CAMK1G: variants seen among roughly 807,000 people sequenced by gnomAD.
The protein encoded by CAMK1G is calcium/calmodulin-dependent protein kinase type 1G.
A neutral mutation model predicts 54.8 loss-of-function variants in CAMK1G; 27 were observed. The ratio of observed to expected loss-of-function variants is 0.49; its 90% CI spans 0.36 to 0.68. CAMK1G has a LOEUF of 0.68. CAMK1G is among the 30% of genes least tolerant of loss of function. CAMK1G has a pLI of 0.00. For synonymous variants in CAMK1G, 238 were observed against 224.9 expected, an observed-to-expected ratio of 1.06 and a Z score of -0.52; for missense variants, 512 against 591.0, an observed-to-expected ratio of 0.87 and a Z score of 1.39.
chr1:209,585,916 G>A (rs1213698511), intron 1 of CAMK1G, among the ~76,000 whole-genome samples: 1 of 152,240 alleles, frequency 6.6e-6, no homozygotes. Flanking sequence ...CAGGCGCGCC[G>A]CCACGGTCAA....
chr1:209,596,803 A>G (rs934054537), intron 2 of CAMK1G, among the ~76,000 whole-genome samples: 9 of 152,182 alleles, frequency 5.9e-5, no homozygotes, highest in Admixed American at 5.2e-4. Context: ...ATTTTCACAT[A>G]TATCTACAAT....
intron 9 of CAMK1G, 136 bp downstream of exon 9, chr1:209,610,065 T>C: frequency 2.7e-6 from 2 of 743,150 alleles, no homozygotes; most frequent in Non-Finnish European, 4.8e-6. Context: ...GACCATGCCA[T>C]TGTTCATCAG....
chr1:209,593,569 T>C (rs1318414360), intron 1 of CAMK1G, among the ~76,000 whole-genome samples: 1 of 152,158 alleles, frequency 6.6e-6, no homozygotes, highest in Non-Finnish European at 1.5e-5. Flanking sequence ...ATGAGCTCAG[T>C]CAGGGCACCC....
chr1:209,605,757 A>G (rs1323212537), intron 5 of CAMK1G, 83 bp downstream of exon 5: 6 of 1,420,408 alleles, frequency 4.2e-6, no homozygotes, highest in Non-Finnish European at 5.7e-6. Flanking sequence ...TAAGCTCCAT[A>G]AAGTAAGAGG....
At chr1:209,609,256 C>T (rs551015415) in intron 8 of CAMK1G, among the ~76,000 whole-genome samples, 164 bp downstream of exon 8, 2 of 152,254 alleles carry the variant, frequency 1.3e-5, no homozygotes, top group Non-Finnish European at 2.9e-5. Flanking sequence ...CTTCAAAGAC[C>T]CGATAAATTA....
intron 1 of CAMK1G, among the ~76,000 whole-genome samples, chr1:209,593,046 T>C (rs988158598): frequency 2.0e-5 from 3 of 152,260 alleles, no homozygotes; most frequent in African/African-American, 7.2e-5. Context: ...TCAATGTCTG[T>C]ATGTGCACCA....
chr1:209,609,553 C>T (rs149957634), intron 8 of CAMK1G, among the ~76,000 whole-genome samples: 1 of 152,298 alleles, frequency 6.6e-6, no homozygotes, highest in African/African-American at 2.4e-5. Flanking sequence ...CAGCGCTGGC[C>T]CCTGTTTCAG....
chr1:209,595,827 C>T (rs1027099304), intron 2 of CAMK1G, among the ~76,000 whole-genome samples: 6 of 152,216 alleles, frequency 3.9e-5, no homozygotes, highest in Admixed American at 2.6e-4. Flanking sequence ...GAACCTGCAC[C>T]TTGAAGATGA....
Position 209,609,839 on chromosome 1 carries a change from T to A in CAMK1G, c.749-12T>A. 9.3e-6 allele frequency: 15 copies of A among 1,614,106 alleles called. No individual in the cohort carries two copies. The highest frequency in any genetic ancestry group is 1.3e-5 in the Non-Finnish European group (15 of 1,179,930). On this transcript the variant is annotated splice_polypyrimidine_tract_variant and intron_variant, in intron 8 of 12. Coordinates refer to ENST00000361322, the MANE Select transcript of CAMK1G (RefSeq NM_020439.3). ...GGTCCTTAGTCGTCGTGTCTTTGAT[T>A]ACTCCCCTTAGCCAAGGACTTTATT...
At chr1:209,591,537 G>A (rs910983728) in intron 1 of CAMK1G, among the ~76,000 whole-genome samples, 1 of 152,214 alleles carries the variant, frequency 6.6e-6, no homozygotes, top group African/African-American at 2.4e-5. Flanking sequence ...GTCCATTGTA[G>A]CGTATAAATC....
At chr1:209,603,353 T>C in intron 4 of CAMK1G, 65 bp downstream of exon 4, 11 of 1,339,892 alleles carry the variant, frequency 8.2e-6, no homozygotes, top group Non-Finnish European at 1.1e-5. Flanking sequence ...CTACAGGAGG[T>C]TGGTCGCTGG....
intron 3 of CAMK1G, among the ~76,000 whole-genome samples, chr1:209,601,244 G>A (rs554358641): frequency 2.6e-5 from 4 of 152,256 alleles, no homozygotes; most frequent in African/African-American, 9.6e-5. Flanking sequence ...ACAAGCAAAG[G>A]TAGTGGCAGA....
chr1:209,605,408 T>C, intron 4 of CAMK1G, 128 bp from the exon 5 acceptor site: 1 of 1,109,174 alleles, frequency 9.0e-7, no homozygotes, highest in Admixed American at 2.2e-5. Flanking sequence ...TGGCAGCCCT[T>C]CAATCACAGT....
intron 6 of CAMK1G, 195 bp from the exon 7 acceptor site, chr1:209,607,663 C>CT: frequency 1.9e-6 from 1 of 530,202 alleles, no homozygotes; most frequent in Non-Finnish European, 3.3e-6. Flanking sequence ...GCAGAAGTCA[C>CT]AGTCTCTCTT....
At chr1:209,595,809 G>A (rs1665366668) in intron 2 of CAMK1G, among the ~76,000 whole-genome samples, 1 of 152,204 alleles carries the variant, frequency 6.6e-6, no homozygotes, top group African/African-American at 2.4e-5. Context: ...CCAGCCTGCA[G>A]GGTGTCTGAA....
rs1665811705 is a variant in CAMK1G, at chr1:209,612,665, A to G, written c.1341-120A>G. The G allele has an allele frequency of 4.0e-6, 3 of 754,664 alleles. No individual in the cohort carries two copies. In the Admixed American group the frequency reaches 6.8e-5, roughly 17 times the overall value. 46.7% of individuals were successfully genotyped at this position (754,664 alleles called of 1,614,324 possible). On this transcript the variant is annotated intron_variant, in intron 11 of 12. Transcript: ENST00000361322. ...TTCTGCAGGTTCTTGAACTTTCTGAACCTCATGAGGGGAGAGCTGAGTGGA... is the reference window on the plus strand; with the variant it reads ...TTCTGCAGGTTCTTGAACTTTCTGAGCCTCATGAGGGGAGAGCTGAGTGGA...
At chr1:209,603,313 T>G (rs757656435) in intron 4 of CAMK1G, 25 bp downstream of exon 4, 2 of 1,597,070 alleles carry the variant, frequency 1.3e-6, no homozygotes, top group Non-Finnish European at 1.7e-6. Flanking sequence ...ACTTGCTTCC[T>G]TCACAGAGGC....
Position 209,609,110 on chromosome 1 carries a change from G to A in CAMK1G, c.748+18G>A, listed in dbSNP as rs1382407461. ...TGAGTCAGGTAAGGCCAGTAGGCAT[G>A]AAGGAGAGATAACAGGCTCAAGGTA... is the stretch of plus-strand genomic sequence containing the variant. On this transcript the variant is annotated intron_variant, in intron 8 of 12. Coordinates refer to ENST00000361322, the MANE Select transcript of CAMK1G (RefSeq NM_020439.3). 6.2e-7 allele frequency: 1 copy of A among 1,613,950 alleles called. No homozygotes were observed. Among genetic ancestry groups the A allele is most frequent in the Non-Finnish European group, 8.5e-7 (1 of 1,179,942 alleles).
intron 5 of CAMK1G, 43 bp downstream of exon 5, chr1:209,605,717 T>G: frequency 6.3e-7 from 1 of 1,586,738 alleles, no homozygotes; most frequent in Non-Finnish European, 8.6e-7. Flanking sequence ...ATAATGACCC[T>G]TAAGGAAGCT....
Sources: gnomAD v4.1 joint callset for allele counts (sites outside exome capture counted in the v4.1 genomes callset) on GRCh38, gnomAD v4.1.1 for gene constraint, MANE v1.5 for transcripts, NCBI Gene and HGNC (gene_info 2026-07-23, HGNC 2026-07-21) for gene names.